Variants in SLC25A18 observed in about 807,000 individuals in gnomAD.
SLC25A18 encodes solute carrier family 25 member 18.
Under a neutral mutation model 31.1 loss-of-function variants are expected in SLC25A18, and 24 were observed. The ratio of observed to expected loss-of-function variants is 0.77; its 90% CI spans 0.56 to 1.08. SLC25A18 has a LOEUF of 1.08. Ranked by LOEUF, SLC25A18 falls within the 50% of genes least tolerant of loss-of-function variation. SLC25A18 has a pLI of 0.00. For synonymous variants in SLC25A18, 173 were observed against 161.9 expected, an observed-to-expected ratio of 1.07 and a Z score of -0.52; for missense variants, 371 against 418.5, an observed-to-expected ratio of 0.89 and a Z score of 0.99.
At chr22:17,574,672 AC>A (rs1336473807) in intron 2 of SLC25A18, among the ~76,000 whole-genome samples, 1 of 149,784 alleles carries the variant, frequency 6.7e-6, no homozygotes, top group African/African-American at 2.5e-5. Flanking sequence ...ACGTGCCATC[AC>A]GTCTCGCCTG....
intron 3 of SLC25A18, 104 bp downstream of exon 3, chr22:17,580,068 G>A: frequency 8.9e-7 from 1 of 1,119,354 alleles, no homozygotes; most frequent in South Asian, 1.4e-5. Flanking sequence ...TGAGTCCTAG[G>A]GAAGAGCAAG....
intron 1 of SLC25A18, among the ~76,000 whole-genome samples, chr22:17,564,940 G>A (rs902873140): frequency 6.6e-6 from 1 of 151,918 alleles, no homozygotes; most frequent in South Asian, 2.1e-4. Context: ...CAGGTTGATG[G>A]TGTGCACCTG....
chr22:17,578,718 G>A (rs1407306373), intron 2 of SLC25A18, among the ~76,000 whole-genome samples: 9 of 152,158 alleles, frequency 5.9e-5, no homozygotes, highest in African/African-American at 1.9e-4. Flanking sequence ...ATCACCTGAG[G>A]TCGGAAAAAA....
At chr22:17,569,323 T>C (rs931930536) in intron 1 of SLC25A18, among the ~76,000 whole-genome samples, 5 of 152,252 alleles carry the variant, frequency 3.3e-5, no homozygotes, top group African/African-American at 1.2e-4. Context: ...CTTTGCTTTT[T>C]ACACTTGTAA....
chr22:17,572,512 C>T lies in SLC25A18; in HGVS notation c.-201+2526C>T, dbSNP rs145173678. Among the ~76,000 whole-genome samples, 1,340 of 151,090 alleles carry T rather than the reference C, an allele frequency of 8.9e-3. 10 individuals are homozygous for T. The highest frequency in any genetic ancestry group is 0.015 in the Non-Finnish European group (1,027 of 67,788). Reference sequence around the variant, plus strand: ...AAAAAAAAAAAAAGAATCACTTTTCCACTGGGTGTGGTGTCTCACGCCTGT... The same window carrying T: ...AAAAAAAAAAAAAGAATCACTTTTCTACTGGGTGTGGTGTCTCACGCCTGT... On this transcript the variant is annotated intron_variant, in intron 2 of 10. Coordinates refer to ENST00000327451, the MANE Select transcript of SLC25A18 (RefSeq NM_031481.3).
intron 2 of SLC25A18, among the ~76,000 whole-genome samples, chr22:17,576,379 G>A (rs2057230612): frequency 6.6e-6 from 1 of 151,806 alleles, no homozygotes; most frequent in Non-Finnish European, 1.5e-5. Context: ...AAAAAAAGAA[G>A]TCTATTCCCA....
chr22:17,571,086 G>C (rs916175040), intron 2 of SLC25A18, among the ~76,000 whole-genome samples: 1 of 152,212 alleles, frequency 6.6e-6, no homozygotes. Context: ...TTGAAAGCAG[G>C]GGGTGAGGGA....
At chr22:17,571,447 C>A (rs964938776) in intron 2 of SLC25A18, among the ~76,000 whole-genome samples, 4 of 152,164 alleles carry the variant, frequency 2.6e-5, no homozygotes, top group Admixed American at 2.6e-4. Context: ...GTGTCTTGTT[C>A]ACAATATGAC....
At chr22:17,563,825 G>A in intron 1 of SLC25A18, 112 bp downstream of exon 1, 1 of 574,398 alleles carries the variant, frequency 1.7e-6, no homozygotes, top group Non-Finnish European at 2.2e-6. Context: ...AACCTGTATT[G>A]TGAATACAGA....
chr22:17,570,950 G>C (rs536062253), intron 2 of SLC25A18, among the ~76,000 whole-genome samples: 1 of 152,238 alleles, frequency 6.6e-6, no homozygotes, highest in South Asian at 2.1e-4. Flanking sequence ...AGGAGGTGAC[G>C]TCTGAGCTGA....
At chr22:17,588,440 A>G (rs2057616479) in intron 9 of SLC25A18, 1 of 226,976 alleles carries the variant, frequency 4.4e-6, no homozygotes, top group African/African-American at 2.4e-5. Flanking sequence ...TGAGGTCAGG[A>G]GTTTCAGACC....
chr22:17,580,050 G>A (rs2057332304), intron 3 of SLC25A18, 86 bp downstream of exon 3: 6 of 1,372,986 alleles, frequency 4.4e-6, no homozygotes, highest in Admixed American at 2.0e-5. Context: ...GGTTTCTGAA[G>A]AACAAGCTGA....
At chr22:17,573,006 A>G (rs1219489743) in intron 2 of SLC25A18, among the ~76,000 whole-genome samples, 2 of 152,082 alleles carry the variant, frequency 1.3e-5, no homozygotes, top group African/African-American at 4.8e-5. Flanking sequence ...TCAACAACCC[A>G]GGAGGCTGAG....
chr22:17,565,130 AGT>A (rs1221770867), intron 1 of SLC25A18, among the ~76,000 whole-genome samples: 1 of 151,900 alleles, frequency 6.6e-6, no homozygotes, highest in Non-Finnish European at 1.5e-5. Flanking sequence ...CCCAGGCTGG[AGT>A]ACAGTGGCAC....
At chr22:17,569,616 C>T (rs412830) in intron 1 of SLC25A18, 334,039 of 985,016 alleles carry the variant, frequency 0.34, 57,077 homozygotes, top group South Asian at 0.4. Context: ...TCTGAGTGGG[C>T]GGTGAATCTC....
intron 2 of SLC25A18, among the ~76,000 whole-genome samples, chr22:17,575,910 CCT>C (rs2057218817): frequency 1.3e-5 from 2 of 152,170 alleles, no homozygotes; most frequent in South Asian, 4.1e-4. Context: ...TGACAGGGAG[CCT>C]CTGTCTTCCA....
intron 6 of SLC25A18, 67 bp from the exon 7 acceptor site, chr22:17,583,349 A>G: frequency 5.0e-6 from 8 of 1,597,120 alleles, no homozygotes; most frequent in East Asian, 2.2e-5. Flanking sequence ...CCCTCTCACA[A>G]GAGGGCAGCT....
At chr22:17,582,933 G>C (rs1034055102) in intron 6 of SLC25A18, among the ~76,000 whole-genome samples, 2 of 152,194 alleles carry the variant, frequency 1.3e-5, no homozygotes, top group African/African-American at 4.8e-5. Context: ...CACCAAGCTG[G>C]CTGCAGTGGC....
chr22:17,581,142 A>G lies in SLC25A18; in HGVS notation c.126A>G (p.Lys42=), dbSNP rs1883312391. 1.3e-6 allele frequency: 2 copies of G among 1,598,530 alleles called. No homozygotes were observed. The highest frequency in any genetic ancestry group is 1.8e-5 in the Admixed American group (1 of 57,004). The change falls in exon 4 of 11, where the codon AAA becomes AAG. Residue 42 remains lysine, a synonymous_variant. Transcript: ENST00000327451. The part of the protein sequence containing the change: ...AKTRLQNQHG[K]AMYKGMIDCL... Reference sequence around the variant, plus strand: ...CTCGCCTGCAGAACCAGCATGGGAAAGCCATGTACAAAGGAATGTAGGTGC... The same window carrying G: ...CTCGCCTGCAGAACCAGCATGGGAAGGCCATGTACAAAGGAATGTAGGTGC...
Sources: allele counts gnomAD v4.1 joint callset (sites outside exome capture counted in the v4.1 genomes callset), GRCh38; gene constraint gnomAD v4.1.1; transcripts MANE v1.5; gene names NCBI Gene and HGNC (gene_info 2026-07-23, HGNC 2026-07-21).